The following TRMT44 variants were observed in gnomAD, a reference collection of about 807,000 sequenced individuals.
The protein encoded by TRMT44 is tRNA methyltransferase 44 homolog.
TRMT44 carries 78 observed loss-of-function variants against 77.3 expected under a neutral mutation model. That is an observed-to-expected ratio of 1.01 (90% CI 0.84 to 1.22). The LOEUF (loss-of-function observed/expected upper bound fraction) is 1.22. Among genes scored for constraint, TRMT44 ranks in the 50% most tolerant of loss-of-function variants. The pLI is 0.00. For synonymous variants in TRMT44, 391 were observed against 383.3 expected (o/e 1.02, Z -0.23); for missense variants, 1,090 against 964.4 (o/e 1.13, Z -1.73).
chr4:8,474,893 C>T (rs550723290), intron 10 of TRMT44, among the ~76,000 whole-genome samples: 3 of 152,296 alleles, frequency 2.0e-5, no homozygotes, highest in East Asian at 1.9e-4. Context: ...ACCCAGGTGA[C>T]GAGCGGGCCC....
In TRMT44 at chr4:8,465,360, T is replaced by C. The variant is rs768343904; in HGVS notation, c.1311-18T>C. ...TGCTCAGGATGCTTGACCCTGTGGT[T>C]GTTGGTTCTTTTTGAAGGTCTTCCT... On this transcript the variant is annotated intron_variant, in intron 7 of 10. Coordinates refer to ENST00000389737, the MANE Select transcript of TRMT44 (RefSeq NM_152544.3). 2 of 1,600,014 alleles carry C rather than the reference T, an allele frequency of 1.2e-6. No homozygotes were observed. The highest frequency in any genetic ancestry group is 4.5e-5 in the East Asian group (2 of 44,730).
chr4:8,454,946 C>A, intron 6 of TRMT44, 133 bp downstream of exon 6: 1 of 819,858 alleles, frequency 1.2e-6, no homozygotes. Context: ...AATCTAAGTG[C>A]TCTGAAATTA....
the TRMT44 span, among the ~76,000 whole-genome samples, chr4:8,506,468 G>C: frequency 6.6e-6 from 1 of 152,240 alleles, no homozygotes; most frequent in Non-Finnish European, 1.5e-5. Context: ...GGGAGGTAGT[G>C]ACTGTCCTTC....
chr4:8,489,020 C>A (rs1245513668), intron 2 of TRMT44, among the ~76,000 whole-genome samples: 1 of 152,184 alleles, frequency 6.6e-6, no homozygotes, highest in African/African-American at 2.4e-5. Context: ...ATGAAAATCA[C>A]CAGTAAGAGG....
chr4:8,482,183 T>G (rs975556326), intron 2 of TRMT44: 48 of 152,356 alleles, frequency 3.2e-4, no homozygotes, highest in African/African-American at 1.1e-3. Context: ...AGCAGCTCAT[T>G]TGTCAGTTCT....
At chr4:8,515,458 G>A in the TRMT44 span, among the ~76,000 whole-genome samples, 1 of 152,244 alleles carries the variant, frequency 6.6e-6, no homozygotes, top group Non-Finnish European at 1.5e-5. Context: ...AGCATTTCCT[G>A]AGCAGATGCT....
chr4:8,496,140 G>A (rs1232708364), downstream of TRMT44, among the ~76,000 whole-genome samples: 1 of 152,230 alleles, frequency 6.6e-6, no homozygotes, highest in Non-Finnish European at 1.5e-5. Flanking sequence ...TTTGCATAGA[G>A]TGAAGCAATG....
intron 8 of TRMT44, 44 bp from the exon 9 acceptor site, chr4:8,467,870 A>G (rs372156441): frequency 1.3e-6 from 2 of 1,537,696 alleles, no homozygotes; most frequent in East Asian, 2.3e-5. Context: ...ACGTTGAAAT[A>G]GACTAGCCAG....
At position 8,449,749 on chromosome 4, in the gene TRMT44, A is replaced by T. The variant is rs891536436; in HGVS notation, c.815A>T (p.Glu272Val). The T allele has an allele frequency of 6.5e-7, 1 of 1,535,900 alleles. No individual in the cohort carries two copies. Among genetic ancestry groups the T allele is most frequent in the African/African-American group, 1.4e-5 (1 of 73,002 alleles). The change falls in exon 3 of 11, where the codon GAA (glutamate) becomes GTA (valine). Residue 272 changes from glutamate (E) to valine (V), a missense_variant. Transcript: ENST00000389737. ...IVYPKPTWLG[E>V]ELLAKLAKWS... ...TATCCCAAACCCACGTGGCTTGGAGAAGAGTTGCTGGCCAAGTTGGCCAAG... is the reference window on the plus strand; with the variant it reads ...TATCCCAAACCCACGTGGCTTGGAGTAGAGTTGCTGGCCAAGTTGGCCAAG...
At chr4:8,488,612 A>G (rs1560251349) in intron 2 of TRMT44, among the ~76,000 whole-genome samples, 1 of 152,160 alleles carries the variant, frequency 6.6e-6, no homozygotes, top group Non-Finnish European at 1.5e-5. Flanking sequence ...GGGCATTTTC[A>G]CTTCTTTTGT....
intron 9 of TRMT44, 65 bp from the exon 10 acceptor site, chr4:8,471,019 C>A: frequency 8.9e-7 from 1 of 1,129,916 alleles, no homozygotes; most frequent in Non-Finnish European, 1.3e-6. Context: ...CTGTTTCTGC[C>A]TGTGTGACAG....
At chr4:8,449,949 C>CTTTTCTTTTATTT in intron 3 of TRMT44, 61 bp downstream of exon 3, 3 of 238,690 alleles carry the variant, frequency 1.3e-5, no homozygotes, top group Non-Finnish European at 1.8e-5. Flanking sequence ...CTTTTCTTTT[C>CTTTTCTTTTATTT]TTTTTTTTTT....
rs1387252802 is a variant in TRMT44 at position 8,446,761 on chromosome 4, G to T, written c.734+171G>T. 1.3e-5 allele frequency among the ~76,000 whole-genome samples: 2 copies of T among 152,048 alleles called. No homozygotes were observed. The highest frequency in any genetic ancestry group is 1.3e-4 in the Admixed American group (2 of 15,276). ...CCAGGCCATGTTGCTCTTCCTGTTG[G>T]TGCCTGGCCTCGAGTCTGGGTGGTC... On this transcript the variant is annotated intron_variant, in intron 2 of 10. Transcript: ENST00000389737. The surrounding 1 kb of genome is among the most constrained non-coding windows in gnomAD (Gnocchi z 4.3).
chr4:8,472,776 G>A (rs1365402130), intron 10 of TRMT44, among the ~76,000 whole-genome samples: 1 of 141,686 alleles, frequency 7.1e-6, no homozygotes, highest in African/African-American at 2.9e-5. Context: ...TGCAGTGCTG[G>A]CTGGGCTGGG....
At chr4:8,502,261 A>G in the TRMT44 span, among the ~76,000 whole-genome samples, 7 of 152,342 alleles carry the variant, frequency 4.6e-5, 1 homozygote, top group Admixed American at 1.3e-4. Flanking sequence ...GGCAGCCGCC[A>G]TGAAATAGAC....
chr4:8,514,026 C>T, the TRMT44 span, among the ~76,000 whole-genome samples: 1 of 152,162 alleles, frequency 6.6e-6, no homozygotes, highest in African/African-American at 2.4e-5. Context: ...CCTGGCGAAA[C>T]CCCCAACTGA....
chr4:8,449,949 CTTTTTTTTTTTTTT>C (rs745915221), intron 3 of TRMT44, 61 bp downstream of exon 3: 30 of 239,112 alleles, frequency 1.3e-4, no homozygotes, highest in East Asian at 2.7e-4. Flanking sequence ...CTTTTCTTTT[CTTTTTTTTTTTTTT>C]TTTTTTTTTT....
rs1435649229 is a variant in TRMT44, at chr4:8,451,573, TCTC to T, written c.955-384_955-382del. On this transcript the variant is annotated intron_variant, in intron 3 of 10. Coordinates refer to ENST00000389737, the MANE Select transcript of TRMT44 (RefSeq NM_152544.3). The surrounding 1 kb of genome is among the most constrained non-coding windows in gnomAD (Gnocchi z 4.1). ...GATGGACCAGGGGCTGGAGCACTGGTCTCCTAGTTTGTGGCTCGCGGCTCTCCC... is the reference window on the plus strand; with the variant it reads ...GATGGACCAGGGGCTGGAGCACTGGTCTAGTTTGTGGCTCGCGGCTCTCCC... Among the ~76,000 whole-genome samples the T allele has an allele frequency of 3.9e-5, 6 of 152,174 alleles. No homozygotes were observed. The highest frequency in any genetic ancestry group is 1.3e-4 in the Admixed American group (2 of 15,272).
intron 2 of TRMT44, among the ~76,000 whole-genome samples, chr4:8,487,813 G>T (rs1459619713): frequency 6.6e-6 from 1 of 152,136 alleles, no homozygotes; most frequent in Non-Finnish European, 1.5e-5. Flanking sequence ...TTGCCACTAA[G>T]GGTGAAAGAC....
Sources: gnomAD v4.1 joint callset for allele counts (sites outside exome capture counted in the v4.1 genomes callset) on GRCh38, gnomAD v4.1.1 for gene constraint, Gnocchi (gnomAD v3.1) non-coding constraint, MANE v1.5 for transcripts, NCBI Gene and HGNC (gene_info 2026-07-23, HGNC 2026-07-21) for gene names.